Variants in TENM1 observed in about 807,000 individuals in gnomAD.
The protein encoded by TENM1 is teneurin transmembrane protein 1.
In TENM1, 35 loss-of-function variants were observed where a neutral mutation model predicts 174.8. That is an observed-to-expected ratio of 0.20 (90% CI 0.15 to 0.27). The LOEUF (loss-of-function observed/expected upper bound fraction) is 0.27. Ranked by LOEUF, TENM1 falls within the 10% of genes least tolerant of loss-of-function variation. TENM1 has a pLI of 1.00. For synonymous variants in TENM1, 781 were observed against 798.7 expected (o/e 0.98, Z 0.37); for missense variants, 1,633 against 2,130.1 (o/e 0.77, Z 4.59).
chrX:125,116,096 C>G, the TENM1 span, among the ~76,000 whole-genome samples: 8 of 111,699 alleles, frequency 7.2e-5, no homozygotes, highest in Admixed American at 1.9e-4. Context: ...TGCCACACAT[C>G]TACAACCATC....
chrX:125,058,467 T>A, the TENM1 span, among the ~76,000 whole-genome samples: 1 of 111,814 alleles, frequency 8.9e-6, no homozygotes, highest in African/African-American at 3.2e-5. Flanking sequence ...TGTGTAATAA[T>A]TTATTCTTCA....
intron 1 of TENM1, among the ~76,000 whole-genome samples, chrX:124,961,869 GGT>G (rs2058659329): frequency 9.0e-6 from 1 of 111,124 alleles, no homozygotes; most frequent in African/African-American, 3.3e-5. Context: ...AAAGAGATGA[GGT>G]GAGATCCCGG....
intron 8 of TENM1, among the ~76,000 whole-genome samples, chrX:124,651,328 G>A (rs1473988662): frequency 9.0e-6 from 1 of 111,349 alleles, no homozygotes; most frequent in Non-Finnish European, 1.9e-5. Context: ...AAAAGAACAT[G>A]TTTTAAAAGG....
At chrX:124,652,081 T>G in exon 8 of TENM1, 5 of 1,211,318 alleles carry the variant, frequency 4.1e-6, no homozygotes, top group Non-Finnish European at 5.6e-6. Flanking sequence ...CTTGGAGTCC[T>G]GCTTGACCAG....
At chrX:124,394,591 A>G (rs1395250280) in intron 27 of TENM1, among the ~76,000 whole-genome samples, 1 of 112,162 alleles carries the variant, frequency 8.9e-6, no homozygotes, top group Non-Finnish European at 1.9e-5. Context: ...TATAAAAGAG[A>G]TAACTTTTTC....
At chrX:124,984,152 T>G in the TENM1 span, among the ~76,000 whole-genome samples, 1 of 112,037 alleles carries the variant, frequency 8.9e-6, no homozygotes, top group Non-Finnish European at 1.9e-5. Flanking sequence ...GAAATCCCTT[T>G]CTCTTACCTC....
intron 11 of TENM1, among the ~76,000 whole-genome samples, chrX:124,589,060 T>C (rs1169179269): frequency 9.4e-6 from 1 of 106,216 alleles, no homozygotes; most frequent in African/African-American, 3.4e-5. Context: ...TTTATTATTC[T>C]GATGTATGTT....
At chrX:124,601,553 G>A (rs1203091915) in intron 11 of TENM1, among the ~76,000 whole-genome samples, 6 of 111,300 alleles carry the variant, frequency 5.4e-5, no homozygotes, top group African/African-American at 2.0e-4. Context: ...GGAGAAGTTA[G>A]AAGTTTGAGA....
intron 3 of TENM1, among the ~76,000 whole-genome samples, chrX:124,755,103 T>C (rs2054195074): frequency 9.9e-6 from 1 of 101,258 alleles, no homozygotes; most frequent in African/African-American, 4.2e-5. Flanking sequence ...AAGTCTCCCA[T>C]TATTATTGTG....
At chrX:124,910,502 A>C (rs777004566) in intron 1 of TENM1, among the ~76,000 whole-genome samples, 21 of 112,303 alleles carry the variant, frequency 1.9e-4, no homozygotes, top group African/African-American at 6.8e-4. Context: ...AGTTGACTCC[A>C]TTTGGTCCCC....
At chrX:124,415,642 T>A (rs1569530141) in intron 25 of TENM1, among the ~76,000 whole-genome samples, 2 of 111,947 alleles carry the variant, frequency 1.8e-5, no homozygotes, top group African/African-American at 3.3e-5. Flanking sequence ...TGTCTCTTTG[T>A]GGCCATAAAA....
chrX:124,947,789 T>C (rs2058424468), intron 1 of TENM1, among the ~76,000 whole-genome samples: 1 of 111,944 alleles, frequency 8.9e-6, no homozygotes, highest in African/African-American at 3.2e-5. Flanking sequence ...GTTAAGCCTC[T>C]TATGTGGATT....
the TENM1 span, among the ~76,000 whole-genome samples, chrX:125,115,430 G>A: frequency 1.8e-5 from 2 of 111,335 alleles, no homozygotes; most frequent in East Asian, 2.8e-4. Context: ...ATTCAAATAC[G>A]AAGAGAGGAA....
intron 3 of TENM1, among the ~76,000 whole-genome samples, chrX:124,752,507 T>C (rs1210543792): frequency 1.8e-5 from 2 of 111,858 alleles, no homozygotes; most frequent in African/African-American, 6.5e-5. Context: ...TGAGATCCCA[T>C]TTGTCAATTT....
rs1409495672 is a variant in TENM1 at position 124,582,962 on chromosome X, A to G, written c.2078-17402T>C. ...CAGCAGTCTGAGATCAAATTGCAAGACTGCAGCGACGCTGGGGGAGGGGCA... is the reference window on the plus strand; with the variant it reads ...CAGCAGTCTGAGATCAAATTGCAAGGCTGCAGCGACGCTGGGGGAGGGGCA... On this transcript the variant is annotated intron_variant, in intron 11 of 31. Coordinates refer to ENST00000422452, the Ensembl canonical transcript of TENM1. 3.6e-5 allele frequency among the ~76,000 whole-genome samples: 4 copies of G among 112,186 alleles called. No individual in the cohort carries two copies. The East Asian group carries it at 8.5e-4, about 24-fold the overall frequency.
intron 3 of TENM1, among the ~76,000 whole-genome samples, chrX:124,885,007 G>T (rs767979362): frequency 9.0e-6 from 1 of 111,181 alleles, no homozygotes; most frequent in South Asian, 3.8e-4. Context: ...AATATTGTAG[G>T]CAATTATAAC....
chrX:124,450,572 T>C (rs1603271615), intron 23 of TENM1, among the ~76,000 whole-genome samples: 1 of 111,570 alleles, frequency 9.0e-6, no homozygotes, highest in Admixed American at 9.5e-5. Flanking sequence ...TGGACTAATA[T>C]ATTTACCTTG....
At chrX:124,814,021 T>A (rs1482310542) in intron 3 of TENM1, among the ~76,000 whole-genome samples, 1 of 111,884 alleles carries the variant, frequency 8.9e-6, no homozygotes, top group Admixed American at 9.5e-5. Flanking sequence ...CAAATGAATT[T>A]AAGACCTAGT....
chrX:124,746,695 C>T (rs978887726), intron 3 of TENM1, among the ~76,000 whole-genome samples: 2 of 111,725 alleles, frequency 1.8e-5, no homozygotes, highest in Non-Finnish European at 3.8e-5. Flanking sequence ...CACATGTAGC[C>T]TCAAACTATG....
Sources: allele counts gnomAD v4.1 joint callset (sites outside exome capture counted in the v4.1 genomes callset), GRCh38; gene constraint gnomAD v4.1.1; transcripts MANE v1.5; gene names NCBI Gene and HGNC (gene_info 2026-07-23, HGNC 2026-07-21).